Variants in OR1J2 observed in about 807,000 individuals in gnomAD.
OR1J2 encodes olfactory receptor family 1 subfamily J member 2, also known as olfactory receptor 1J2.
For synonymous variants in OR1J2, 142 were observed against 99.7 expected (o/e 1.42, Z -2.52); for missense variants, 304 against 246.1 (o/e 1.24, Z -1.57).
At chr9:122,478,725 G>T in the OR1J2 span, among the ~76,000 whole-genome samples, 1 of 152,090 alleles carries the variant, frequency 6.6e-6, no homozygotes, top group Non-Finnish European at 1.5e-5. Context: ...TAAGCAACAA[G>T]ATAGAAAATC....
chr9:122,553,747 A>G, the OR1J2 span: 1 of 1,613,346 alleles, frequency 6.2e-7, no homozygotes, highest in Non-Finnish European at 8.5e-7. Context: ...GCCATCCCTC[A>G]TTTCTATTGT....
chr9:122,511,808 G>C, downstream of OR1J2: 2 of 753,668 alleles, frequency 2.7e-6, no homozygotes, highest in Non-Finnish European at 4.9e-6. Context: ...TTTTCCATTT[G>C]AATATGTCTC....
chr9:122,477,536 G>A, the OR1J2 span: 1 of 1,614,168 alleles, frequency 6.2e-7, no homozygotes, highest in Non-Finnish European at 8.5e-7. Flanking sequence ...GTGGCATAAT[G>A]TAGAGGATGA....
chr9:122,451,374 G>A, the OR1J2 span, among the ~76,000 whole-genome samples: 564 of 151,916 alleles, frequency 3.7e-3, 2 homozygotes, highest in African/African-American at 0.013. Flanking sequence ...TAGTAGAGAT[G>A]GGGTTTCTCC....
chr9:122,509,729 G>T (rs1828595693), upstream of OR1J2, among the ~76,000 whole-genome samples: 1 of 152,120 alleles, frequency 6.6e-6, no homozygotes, highest in South Asian at 2.1e-4. Context: ...GTTTTGCAGG[G>T]CCTTTAAGCC....
chr9:122,567,399 C>G, the OR1J2 span: 2 of 564,216 alleles, frequency 3.5e-6, no homozygotes, highest in Non-Finnish European at 6.2e-6. Flanking sequence ...GTTGGGTCAT[C>G]ATCAATGGAT....
At chr9:122,543,488 C>T in the OR1J2 span, among the ~76,000 whole-genome samples, 1 of 152,190 alleles carries the variant, frequency 6.6e-6, no homozygotes, top group African/African-American at 2.4e-5. Flanking sequence ...GAGGCGTGAG[C>T]CACTGTGCCT....
the OR1J2 span, among the ~76,000 whole-genome samples, chr9:122,500,138 T>A: frequency 6.6e-6 from 1 of 152,244 alleles, no homozygotes; most frequent in Non-Finnish European, 1.5e-5. Context: ...TGACTTTGTA[T>A]GCACTTGGAT....
the OR1J2 span, among the ~76,000 whole-genome samples, chr9:122,464,060 T>C: frequency 6.6e-6 from 1 of 152,096 alleles, no homozygotes; most frequent in South Asian, 2.1e-4. Flanking sequence ...GACCATCAGG[T>C]AGGGGCAGGG....
chr9:122,487,885 T>G, the OR1J2 span, among the ~76,000 whole-genome samples: 1 of 152,246 alleles, frequency 6.6e-6, no homozygotes, highest in South Asian at 2.1e-4. Context: ...ACAGATTTTT[T>G]TTATTTATAA....
At chr9:122,579,050 G>T in the OR1J2 span, among the ~76,000 whole-genome samples, 3 of 151,162 alleles carry the variant, frequency 2.0e-5, no homozygotes, top group Non-Finnish European at 4.4e-5. Context: ...AAAAAAAATA[G>T]AAAGTCATTA....
upstream of OR1J2, among the ~76,000 whole-genome samples, chr9:122,507,627 CT>C (rs527669115): frequency 7.9e-5 from 12 of 152,272 alleles, no homozygotes; most frequent in East Asian, 2.1e-3. Context: ...CATTTTCCCC[CT>C]GTGCTCATAT....
upstream of OR1J2, among the ~76,000 whole-genome samples, chr9:122,510,619 G>A (rs1252777700): frequency 6.6e-6 from 1 of 152,028 alleles, no homozygotes; most frequent in Non-Finnish European, 1.5e-5. Context: ...AGCCCAGAAT[G>A]CATTATATAT....
At chr9:122,456,326 C>A in the OR1J2 span, among the ~76,000 whole-genome samples, 4 of 152,156 alleles carry the variant, frequency 2.6e-5, no homozygotes, top group African/African-American at 9.7e-5. Flanking sequence ...TCTGGCTAAT[C>A]TCTAGGATCC....
At chr9:122,568,958 A>C in the OR1J2 span, among the ~76,000 whole-genome samples, 2 of 151,228 alleles carry the variant, frequency 1.3e-5, no homozygotes, top group East Asian at 3.9e-4. Flanking sequence ...CTGGGGAGTC[A>C]GACTGGGGGT....
At chr9:122,551,746 G>A in the OR1J2 span, among the ~76,000 whole-genome samples, 7 of 152,214 alleles carry the variant, frequency 4.6e-5, no homozygotes, top group South Asian at 2.1e-4. Context: ...CAATGACACC[G>A]AGGTCGACCT....
chr9:122,488,666 T>G, the OR1J2 span, among the ~76,000 whole-genome samples: 1 of 152,210 alleles, frequency 6.6e-6, no homozygotes, highest in Non-Finnish European at 1.5e-5. Flanking sequence ...TGTGAGAATC[T>G]TCAGAAACCT....
chr9:122,498,933 G>C, the OR1J2 span, among the ~76,000 whole-genome samples: 1 of 152,120 alleles, frequency 6.6e-6, no homozygotes, highest in African/African-American at 2.4e-5. Flanking sequence ...TGCTTCTTTT[G>C]GCAGATTTTA....
At chr9:122,552,200 C>T in the OR1J2 span, among the ~76,000 whole-genome samples, 13,605 of 151,562 alleles carry the variant, frequency 0.09, 673 homozygotes, top group African/African-American at 0.11. Context: ...AACCAAAGAA[C>T]AAATGGAGGA....
Sources: gnomAD v4.1 joint callset for allele counts (sites outside exome capture counted in the v4.1 genomes callset) on GRCh38, gnomAD v4.1.1 for gene constraint, MANE v1.5 for transcripts, NCBI Gene and HGNC (gene_info 2026-07-23, HGNC 2026-07-21) for gene names.